Variants in ZIK1 observed in about 807,000 individuals in gnomAD.
The protein encoded by ZIK1 is zinc finger protein interacting with K protein 1.
ZIK1 carries 12 observed loss-of-function variants against 10.7 expected under a neutral mutation model. The ratio of observed to expected loss-of-function variants is 1.12; its 90% confidence interval spans 0.72 to 1.81. The LOEUF is 1.81. Among genes scored for constraint, ZIK1 ranks in the 40% most tolerant of loss-of-function variants. ZIK1 has a pLI of 0.00. For missense variants in ZIK1, 497 were observed against 585.7 expected (o/e 0.85, Z 1.56); for synonymous variants, 190 against 205.0 (o/e 0.93, Z 0.63).
At chr19:57,585,075 T>C (rs1047637808) in intron 2 of ZIK1, 85 bp downstream of exon 2, 1 of 1,379,792 alleles carries the variant, frequency 7.2e-7, no homozygotes, top group South Asian at 1.3e-5. Context: ...CATCCAGTTC[T>C]TTGACCTAAG....
Position 57,590,453 on chromosome 19 carries a change from T to TGAATGTGGGAAGGCTTCCAGGCACAAAC in ZIK1, c.643_670dup (p.His224ArgfsTer26). On this transcript the variant is annotated frameshift_variant, in exon 4 of 4. Coordinates refer to ENST00000597850, the MANE Select transcript of ZIK1 (RefSeq NM_001010879.4). LOFTEE classifies it low-confidence loss of function (END_TRUNC). ...GTCAAAAAAGTCATTACAAGTCAGG[T>TGAATGTGGGAAGGCTTCCAGGCACAAAC]GAATGTGGGAAGGCTTCCAGGCACA... 1.2e-6 allele frequency: 2 copies of TGAATGTGGGAAGGCTTCCAGGCACAAAC among 1,613,944 alleles called. No homozygotes were observed. The highest frequency in any genetic ancestry group is 1.7e-6 in the Non-Finnish European group (2 of 1,179,984).
intron 1 of ZIK1, chr19:57,584,735 A>G: frequency 9.4e-7 from 1 of 1,069,176 alleles, no homozygotes; most frequent in Non-Finnish European, 1.3e-6. Flanking sequence ...TTAGACTAGA[A>G]TAGAATGGAA....
In ZIK1 at chr19:57,591,340, T is replaced by C; in HGVS notation, c.*65T>C. 6.7e-7 allele frequency: 1 copy of C among 1,489,524 alleles called. No individual in the cohort carries two copies. The highest frequency in any genetic ancestry group is 9.1e-7 in the Non-Finnish European group (1 of 1,101,884). The allele number at this position is 1,489,524 out of a possible 1,614,324, so 92.3% of individuals were successfully genotyped here. Reference sequence around the variant, plus strand: ...TCAAGATCTATCATCATTTAGCTCCTGAAAGTCCACACTTAAGTAGAGCCT... The same window carrying C: ...TCAAGATCTATCATCATTTAGCTCCCGAAAGTCCACACTTAAGTAGAGCCT... On this transcript the variant is annotated 3_prime_UTR_variant, in exon 4 of 4. Coordinates refer to ENST00000597850, the MANE Select transcript of ZIK1 (RefSeq NM_001010879.4).
At chr19:57,584,876 A>G in intron 1 of ZIK1, 76 bp from the exon 2 acceptor site, 1 of 1,548,070 alleles carries the variant, frequency 6.5e-7, no homozygotes. Context: ...TCTGGCCTGG[A>G]CAGGAATCCA....
Position 57,591,370 on chromosome 19 carries a change from C to A in ZIK1, c.*95C>A. On this transcript the variant is annotated 3_prime_UTR_variant, in exon 4 of 4. Coordinates refer to ENST00000597850, the MANE Select transcript of ZIK1 (RefSeq NM_001010879.4). ...GTCCACACTTAAGTAGAGCCTTAGA[C>A]CTACAGGGAAAGTGCTGTCTCTGTA... The A allele has an allele frequency of 7.8e-7, 1 of 1,274,698 alleles. No individual in the cohort carries two copies. 79.0% of individuals were successfully genotyped at this position (1,274,698 alleles called of 1,614,324 possible). A position where few individuals can be genotyped will look rare whatever the true frequency, so the allele number is the denominator to read the frequency against.
chr19:57,589,939 G>A, intron 3 of ZIK1, 72 bp from the exon 4 acceptor site: 1 of 1,505,476 alleles, frequency 6.6e-7, no homozygotes, highest in Non-Finnish European at 9.0e-7. Context: ...CATTCGTTTG[G>A]TATGTGTGTA....
intron 3 of ZIK1, 119 bp from the exon 4 acceptor site, chr19:57,589,892 C>T (rs1184321768): frequency 3.1e-6 from 4 of 1,278,592 alleles, no homozygotes; most frequent in Non-Finnish European, 4.3e-6. Flanking sequence ...CTCAACTTGC[C>T]CCCAGCTCCA....
At chr19:57,584,815 A>T (rs1323103785) in intron 1 of ZIK1, 137 bp from the exon 2 acceptor site, 4 of 1,116,280 alleles carry the variant, frequency 3.6e-6, no homozygotes, top group Non-Finnish European at 5.1e-6. Flanking sequence ...GGCACTGAGG[A>T]CTGGAACGCT....
At chr19:57,589,370 A>C in intron 3 of ZIK1, 1 of 985,352 alleles carries the variant, frequency 1.0e-6, no homozygotes, top group Non-Finnish European at 1.2e-6. Context: ...GTTTGGGTGC[A>C]CATGCCACTG....
rs1979747567 is a variant in ZIK1 at position 57,592,121 on chromosome 19, G to A, written c.*846G>A. ...CAAGCATGTGTGCTTCAGGGAATAGGACAATTTTATTCCATTGTTTCCAGA... is the reference window on the plus strand; with the variant it reads ...CAAGCATGTGTGCTTCAGGGAATAGAACAATTTTATTCCATTGTTTCCAGA... On this transcript the variant is annotated 3_prime_UTR_variant, in exon 4 of 4. Coordinates refer to ENST00000597850, the MANE Select transcript of ZIK1 (RefSeq NM_001010879.4). The A allele has an allele frequency of 1.3e-5, 2 of 152,156 alleles. No homozygotes were observed. Among genetic ancestry groups the A allele is most frequent in the South Asian group, 4.1e-4 (2 of 4,824 alleles). 9.4% of individuals were successfully genotyped at this position (152,156 alleles called of 1,614,324 possible). A position where few individuals can be genotyped will look rare whatever the true frequency, so the allele number is the denominator to read the frequency against.
intron 2 of ZIK1, among the ~76,000 whole-genome samples, chr19:57,586,970 T>C (rs982036195): frequency 2.6e-5 from 4 of 151,872 alleles, no homozygotes; most frequent in Non-Finnish European, 5.9e-5. Context: ...GAAAAAGAGG[T>C]TTAATGGACT....
In ZIK1 at chr19:57,590,888, C is replaced by G; in HGVS notation, c.1077C>G (p.Ser359=). 6.2e-7 allele frequency: 1 copy of G among 1,613,636 alleles called. No individual in the cohort carries two copies. The highest frequency in any genetic ancestry group is 8.5e-7 in the Non-Finnish European group (1 of 1,179,908). ...ATAAGTGTGGTGAATGTGGGAATTCCTTTAGTCAAAGTGCCATTCTTAATC... is the reference window on the plus strand; with the variant it reads ...ATAAGTGTGGTGAATGTGGGAATTCGTTTAGTCAAAGTGCCATTCTTAATC... The part of the protein sequence containing the change: ...RPYKCGECGN[S]FSQSAILNQH... Residue 359 remains serine (S), a synonymous_variant, in exon 4 of 4, where the codon TCC becomes TCG. Transcript: ENST00000597850.
chr19:57,585,553 C>T (rs1412899523), intron 2 of ZIK1, among the ~76,000 whole-genome samples: 1 of 152,106 alleles, frequency 6.6e-6, no homozygotes, highest in East Asian at 1.9e-4. Context: ...TGGCTGGATT[C>T]TGGGTCAGAA....
Position 57,591,426 on chromosome 19 carries a change from G to C in ZIK1, c.*151G>C. The C allele has an allele frequency of 1.3e-6, 1 of 758,948 alleles. No homozygotes were observed. Among genetic ancestry groups the C allele is most frequent in the East Asian group, 2.7e-5 (1 of 37,158 alleles). The allele number at this position is 758,948 out of a possible 1,614,324, so 47.0% of individuals were successfully genotyped here. ...GTAGCAGTAGAGAGCCTTTGTGAGG[G>C]AGCCATCTGCCTGAAGTTGAACCTC... On this transcript the variant is annotated 3_prime_UTR_variant, in exon 4 of 4. Coordinates refer to ENST00000597850, the MANE Select transcript of ZIK1 (RefSeq NM_001010879.4).
chr19:57,589,556 C>T, intron 3 of ZIK1: 1 of 985,394 alleles, frequency 1.0e-6, no homozygotes, highest in Non-Finnish European at 1.2e-6. Context: ...CATAATGTCT[C>T]ATGAAGTATG....
At position 57,585,187 on chromosome 19, in the gene ZIK1, GC is replaced by G. The variant is rs898508388; in HGVS notation, c.72+201del. 1.8e-4 allele frequency among the ~76,000 whole-genome samples: 27 copies of G among 152,348 alleles called. 1 individual carries two copies. Among genetic ancestry groups the G allele is most frequent in the African/African-American group, 6.5e-4 (27 of 41,578 alleles). ...ACAATGGAATGAGGTGTGAAAGGTT[GC>G]CCCGCCTACGTACAATAATGTGTAA... On this transcript the variant is annotated intron_variant, in intron 2 of 3. Coordinates refer to ENST00000597850, the MANE Select transcript of ZIK1 (RefSeq NM_001010879.4).
At position 57,584,247 on chromosome 19, in the gene ZIK1, C is replaced by A. The variant is rs567210197; in HGVS notation, c.-110C>A. The A allele has an allele frequency of 1.9e-5, 28 of 1,473,676 alleles. No homozygotes were observed. The East Asian group carries it at 6.9e-4, about 37-fold the overall frequency. The allele number at this position is 1,473,676 out of a possible 1,614,324, so 91.3% of individuals were successfully genotyped here. A position where few individuals can be genotyped will look rare whatever the true frequency, so the allele number is the denominator to read the frequency against. On this transcript the variant is annotated 5_prime_UTR_variant, in exon 1 of 4. Coordinates refer to ENST00000597850, the MANE Select transcript of ZIK1 (RefSeq NM_001010879.4). The stretch of plus-strand genomic sequence containing the variant: ...GAAGGCGCGAGGGGAGGGGTCCTCC[C>A]GCTGAACAGTGGGGGTTCTAAGGGT...
In ZIK1 at chr19:57,590,583, CAG is replaced by C. The variant is rs1979590518; in HGVS notation, c.777_778del (p.Arg259SerfsTer12). 3 of 1,614,186 alleles carry C rather than the reference CAG, an allele frequency of 1.9e-6. No individual in the cohort carries two copies. Among genetic ancestry groups the C allele is most frequent in the East Asian group, 4.5e-5 (2 of 44,890 alleles). On this transcript the variant is annotated frameshift_variant, in exon 4 of 4. Transcript: ENST00000597850. LOFTEE classifies it low-confidence loss of function (END_TRUNC). ...FRGKYSLVQH[Q>X]RVHTGERPWE... Reference sequence around the variant, plus strand: ...TGGCAAGTACTCACTTGTTCAGCACCAGAGAGTCCATACTGGAGAAAGGCCTT... The same window carrying C: ...TGGCAAGTACTCACTTGTTCAGCACCAGAGTCCATACTGGAGAAAGGCCTT...
chr19:57,584,642 G>A, intron 1 of ZIK1: 1 of 1,386,104 alleles, frequency 7.2e-7, no homozygotes, highest in Non-Finnish European at 9.3e-7. Context: ...TTCTTAGGAT[G>A]CTAGGAGCCG....
Sources: allele counts gnomAD v4.1 joint callset (sites outside exome capture counted in the v4.1 genomes callset), GRCh38; gene constraint gnomAD v4.1.1; transcripts MANE v1.5; gene names NCBI Gene and HGNC (gene_info 2026-07-23, HGNC 2026-07-21).